Variants in EP300 observed in about 807,000 individuals in gnomAD.
EP300 encodes EP300 lysine acetyltransferase, also known as histone acetyltransferase p300.
In EP300, 31 loss-of-function variants were observed where a neutral mutation model predicts 264.0. The ratio of observed to expected loss-of-function variants is 0.12; its 90% CI spans 0.09 to 0.16. The LOEUF (loss-of-function observed/expected upper bound fraction) is 0.16. Ranked by LOEUF, EP300 falls within the 10% of genes least tolerant of loss-of-function variation. The pLI is 1.00. For synonymous variants in EP300, 1,340 were observed against 1,045.4 expected (o/e 1.28, Z -5.44); for missense variants, 2,766 against 3,052.9 (o/e 0.91, Z 2.21).
In EP300 at chr22:41,128,533, A is replaced by T. The variant is rs1377823009; in HGVS notation, c.1168+785A>T. Among the ~76,000 whole-genome samples the T allele has an allele frequency of 3.3e-5, 5 of 152,076 alleles. No individual in the cohort carries two copies. The East Asian group carries it at 9.6e-4, about 29-fold the overall frequency. On this transcript the variant is annotated intron_variant, in intron 4 of 30. Transcript: ENST00000263253. ...TTTATTTATTTGTTTTTTGAGACAG[A>T]GTCTCGCTCTGTTTCCCAGGCTGGA... is the stretch of plus-strand genomic sequence containing the variant.
chr22:41,132,872 T>G (rs1365223845), intron 6 of EP300, among the ~76,000 whole-genome samples: 3 of 152,244 alleles, frequency 2.0e-5, no homozygotes, highest in Non-Finnish European at 4.4e-5. Flanking sequence ...TTGCATATGA[T>G]AACATTGGAA....
Position 41,131,628 on chromosome 22 carries a change from A to C in EP300, c.1523A>C (p.Asn508Thr), listed in dbSNP as rs528872126. 6.2e-7 allele frequency: 1 copy of C among 1,614,182 alleles called. No homozygotes were observed. Among genetic ancestry groups the C allele is most frequent in the Non-Finnish European group, 8.5e-7 (1 of 1,180,042 alleles). The change falls in exon 6 of 31, where the codon AAC becomes ACC. Residue 508 changes from asparagine (N) to threonine (T), a missense_variant. Physicochemically the swap from Asn to Thr is moderately conservative, Grantham distance 65. Transcript: ENST00000263253. Reference sequence around the variant, plus strand: ...CCCCAAGGCATGCGGCCCATGAGCAACATGAGTAAGTTTGTGTCATCCTAA... The same window carrying C: ...CCCCAAGGCATGCGGCCCATGAGCACCATGAGTAAGTTTGTGTCATCCTAA... ...QSPQGMRPMS[N>T]MSASPMGVNG...
At chr22:41,134,163 CT>C (rs11362436) in intron 6 of EP300, among the ~76,000 whole-genome samples, 29,307 of 105,974 alleles carry the variant, frequency 0.28, 3,154 homozygotes, top group East Asian at 0.47. Context: ...TCATTCTTTT[CT>C]TTTTTTTTTT....
In EP300 at chr22:41,167,619, TATATA is replaced by T. The variant is rs1183978982; in HGVS notation, c.3875-829_3875-825del. ...ATATATATATATATATATATATATATATATATATATATATATAATGTTTGGTTGGT... is the reference window on the plus strand; with the variant it reads ...ATATATATATATATATATATATATATTATATATATATAATGTTTGGTTGGT... On this transcript the variant is annotated intron_variant, in intron 23 of 30. Coordinates refer to ENST00000263253, the MANE Select transcript of EP300 (RefSeq NM_001429.4). Among the ~76,000 whole-genome samples the T allele has an allele frequency of 1.8e-3, 170 of 95,732 alleles. 5 individuals carry two copies. The highest frequency in any genetic ancestry group is 2.1e-3 in the Non-Finnish European group (101 of 47,776). 62.8% of individuals were successfully genotyped at this position (95,732 alleles called of 152,430 possible). A position where few individuals can be genotyped will look rare whatever the true frequency, so the allele number is the denominator to read the frequency against.
intron 1 of EP300, among the ~76,000 whole-genome samples, chr22:41,096,537 G>A (rs1036549805): frequency 2.0e-4 from 30 of 150,754 alleles, no homozygotes; most frequent in Non-Finnish European, 3.8e-4. Context: ...AGTGTGTAAA[G>A]TATACCTGCT....
intron 1 of EP300, among the ~76,000 whole-genome samples, chr22:41,093,790 G>A (rs898735347): frequency 8.5e-5 from 13 of 152,156 alleles, no homozygotes; most frequent in Non-Finnish European, 1.8e-4. Flanking sequence ...GGAGAACAGG[G>A]GCATGTTCTT....
chr22:41,133,802 G>A (rs770678421), intron 6 of EP300, among the ~76,000 whole-genome samples: 4 of 152,042 alleles, frequency 2.6e-5, no homozygotes, highest in Non-Finnish European at 4.4e-5. Flanking sequence ...TCAAACCAGT[G>A]ATCTGCTTTT....
intron 1 of EP300, among the ~76,000 whole-genome samples, chr22:41,113,312 T>A (rs1310856708): frequency 6.6e-6 from 1 of 152,168 alleles, no homozygotes; most frequent in African/African-American, 2.4e-5. Flanking sequence ...TATTGCTTTA[T>A]CTTTTAATTT....
chr22:41,170,332 C>A (rs2145766140), intron 26 of EP300, 74 bp from the exon 27 acceptor site: 1 of 1,426,062 alleles, frequency 7.0e-7, no homozygotes, highest in Non-Finnish European at 9.9e-7. Context: ...TCAACTCCAA[C>A]TTGTGGTTTA....
At chr22:41,094,725 T>G (rs1569078455) in intron 1 of EP300, among the ~76,000 whole-genome samples, 1 of 152,238 alleles carries the variant, frequency 6.6e-6, no homozygotes, top group Non-Finnish European at 1.5e-5. Flanking sequence ...ATTTGTGTAA[T>G]GTGGTAGTTT....
chr22:41,148,982 T>G (rs1170806563), intron 12 of EP300, 56 bp from the exon 13 acceptor site: 1 of 1,611,814 alleles, frequency 6.2e-7, no homozygotes, highest in Non-Finnish European at 8.5e-7. Flanking sequence ...ATTTTAGTTA[T>G]AGTAGAATAA....
chr22:41,178,676 C>A lies in EP300; in HGVS notation c.6965C>A (p.Pro2322His). 6.2e-7 allele frequency: 1 copy of A among 1,614,128 alleles called. No homozygotes were observed. Among genetic ancestry groups the A allele is most frequent in the Non-Finnish European group, 8.5e-7 (1 of 1,180,012 alleles). Residue 2322 changes from proline to histidine, a missense_variant, in exon 31 of 31, where the codon CCC (proline) becomes CAC (histidine). Physicochemically the swap from Pro to His is moderately conservative, Grantham distance 77. Coordinates refer to ENST00000263253, the MANE Select transcript of EP300 (RefSeq NM_001429.4). ...PVPSPRPQSQ[P>H]PHSSPSPRMQ... The stretch of plus-strand genomic sequence containing the variant: ...CCTTCTCCACGGCCACAGTCCCAGC[C>A]CCCCCACTCCAGTCCTTCCCCAAGG...
chr22:41,141,677 T>C (rs2058983348), intron 10 of EP300, among the ~76,000 whole-genome samples: 2 of 151,648 alleles, frequency 1.3e-5, no homozygotes, highest in African/African-American at 4.8e-5. Context: ...TTTTTTTTTT[T>C]TCTTTTTCTT....
At chr22:41,134,163 CTTT>C (rs11362436) in intron 6 of EP300, among the ~76,000 whole-genome samples, 4 of 105,588 alleles carry the variant, frequency 3.8e-5, no homozygotes, top group Non-Finnish European at 3.8e-5. Flanking sequence ...TCATTCTTTT[CTTT>C]TTTTTTTTTT....
intron 19 of EP300, chr22:41,158,785 C>G: frequency 2.4e-6 from 1 of 416,684 alleles, no homozygotes; most frequent in Non-Finnish European, 4.5e-6. Context: ...CCCCACTTCT[C>G]TTTCTACTGT....
At chr22:41,161,810 A>C (rs2059109967) in intron 20 of EP300, among the ~76,000 whole-genome samples, 1 of 152,150 alleles carries the variant, frequency 6.6e-6, no homozygotes, top group Non-Finnish European at 1.5e-5. Flanking sequence ...GGGGCTTCTG[A>C]GAAAAGCTGG....
At chr22:41,141,664 TC>T (rs1004266647) in intron 10 of EP300, among the ~76,000 whole-genome samples, 1 of 128,198 alleles carries the variant, frequency 7.8e-6, no homozygotes, top group Non-Finnish European at 1.8e-5. Context: ...GTCTAGGAAC[TC>T]TTTTTTTTTT....
chr22:41,131,804 C>A (rs1305786050), intron 6 of EP300, among the ~76,000 whole-genome samples, 171 bp downstream of exon 6: 1 of 152,116 alleles, frequency 6.6e-6, no homozygotes, highest in Non-Finnish European at 1.5e-5. Flanking sequence ...GAGGTAACTG[C>A]CACTGGTTTG....
intron 12 of EP300, among the ~76,000 whole-genome samples, chr22:41,148,482 T>C (rs1053519219): frequency 2.6e-5 from 4 of 152,206 alleles, no homozygotes; most frequent in African/African-American, 9.7e-5. Flanking sequence ...CAGATGGTCT[T>C]AGCTTATGAA....
Sources: gnomAD v4.1 joint callset for allele counts (sites outside exome capture counted in the v4.1 genomes callset) on GRCh38, gnomAD v4.1.1 for gene constraint, MANE v1.5 for transcripts, NCBI Gene and HGNC (gene_info 2026-07-23, HGNC 2026-07-21) for gene names.